The following MEF2C variants were observed in gnomAD, a reference collection of about 807,000 sequenced individuals.
MEF2C encodes myocyte-specific enhancer factor 2C.
In MEF2C, 6 loss-of-function variants were observed where a neutral mutation model predicts 50.5. That is an observed-to-expected ratio of 0.12 (90% CI 0.07 to 0.23). MEF2C has a LOEUF of 0.23. Ranked by LOEUF, MEF2C falls within the 10% of genes least tolerant of loss-of-function variation. MEF2C has a pLI of 1.00. For missense variants in MEF2C, 276 were observed against 605.0 expected, an observed-to-expected ratio of 0.46 and a Z score of 5.70; for synonymous variants, 183 against 228.0, an observed-to-expected ratio of 0.80 and a Z score of 1.78.
At chr5:88,812,853 T>C (rs924696663) in intron 2 of MEF2C, among the ~76,000 whole-genome samples, 2 of 152,088 alleles carry the variant, frequency 1.3e-5, no homozygotes, top group African/African-American at 2.4e-5. Context: ...TAGATAACTA[T>C]GGATTTTAGG....
chr5:88,722,809 G>A lies in MEF2C; in HGVS notation c.1217C>T (p.Ser406Leu). 6.2e-7 allele frequency: 1 copy of A among 1,613,992 alleles called. No homozygotes were observed. Among genetic ancestry groups the A allele is most frequent in the Non-Finnish European group, 8.5e-7 (1 of 1,179,896 alleles). Residue 406 changes from serine (S) to leucine (L), a missense_variant, in exon 11 of 11, where the codon TCG (serine) becomes TTG (leucine). By Grantham distance (145) the Ser-to-Leu change is moderately radical. This residue lies in a region of MEF2C where 256 missense variants were observed against 468.1 expected (regional missense o/e 0.55). Coordinates refer to ENST00000504921, the MANE Select transcript of MEF2C (RefSeq NM_002397.5). ...SPPRDRTTTP[S>L]RYPQHTRHEA... Reference sequence around the variant, plus strand: ...GTGGCGCGTGTGTTGTGGGTATCTCGAAGGGGTGGTGGTACGGTCTCTAGG... The same window carrying A: ...GTGGCGCGTGTGTTGTGGGTATCTCAAAGGGGTGGTGGTACGGTCTCTAGG...
At position 88,722,707 on chromosome 5, in the gene MEF2C, C is replaced by T. The variant is rs1360994640; in HGVS notation, c.1319G>A (p.Arg440Gln). The T allele has an allele frequency of 6.2e-7, 1 of 1,613,890 alleles. No individual in the cohort carries two copies. Among genetic ancestry groups the T allele is most frequent in the Non-Finnish European group, 8.5e-7 (1 of 1,179,890 alleles). The change falls in exon 11 of 11, where the codon CGG becomes CAG. Residue 440 changes from arginine (R) to glutamine (Q), a missense_variant. This residue lies in a region of MEF2C where 256 missense variants were observed against 468.1 expected (regional missense o/e 0.55). Coordinates refer to ENST00000504921, the MANE Select transcript of MEF2C (RefSeq NM_002397.5). ...TCCAATGGGGGAGTGGAATTCGTTC[C>T]GGTGATCCTCTCGGTCGCTCCCGTC... ...SYDGSDREDH[R>Q]NEFHSPIGLT... is the part of the protein sequence containing the mutation.
intron 6 of MEF2C, chr5:88,739,038 C>T (rs944831665): frequency 2.0e-6 from 2 of 982,294 alleles, no homozygotes; most frequent in African/African-American, 1.8e-5. Context: ...CTGTAATATA[C>T]TTAAATGGTA....
intron 2 of MEF2C, among the ~76,000 whole-genome samples, chr5:88,820,114 C>G (rs1418116044): frequency 6.6e-6 from 1 of 151,530 alleles, no homozygotes; most frequent in East Asian, 1.9e-4. Context: ...TAATTGGTAA[C>G]TACTTTTATT....
intron 1 of MEF2C, among the ~76,000 whole-genome samples, chr5:88,835,394 T>G (rs1222793072): frequency 1.3e-5 from 2 of 152,294 alleles, no homozygotes; most frequent in Non-Finnish European, 2.9e-5. Context: ...GAAATATTCA[T>G]GTATCTTTGG....
Position 88,750,840 on chromosome 5 carries a change from GAT to G in MEF2C, c.589+1015_589+1016del, listed in dbSNP as rs1772396511. 2.0e-5 allele frequency among the ~76,000 whole-genome samples: 3 copies of G among 152,114 alleles called. No individual in the cohort carries two copies. The South Asian group carries it at 6.2e-4, about 32-fold the overall frequency. ...CATGTTTGGTTTTAATTGTAAGGCAGATATATAAGTATTCTACAGGAAAATTC... is the reference window on the plus strand; with the variant it reads ...CATGTTTGGTTTTAATTGTAAGGCAGATATAAGTATTCTACAGGAAAATTC... On this transcript the variant is annotated intron_variant, in intron 5 of 10. Transcript: ENST00000504921.
intron 1 of MEF2C, among the ~76,000 whole-genome samples, chr5:88,836,144 T>C (rs181435707): frequency 0.012 from 1,876 of 152,300 alleles, 17 homozygotes; most frequent in Non-Finnish European, 0.02. Flanking sequence ...TGAACACTTA[T>C]CGATTTTCAT....
chr5:88,752,948 A>T (rs910895143), intron 4 of MEF2C, among the ~76,000 whole-genome samples: 1 of 152,234 alleles, frequency 6.6e-6, no homozygotes, highest in African/African-American at 2.4e-5. Flanking sequence ...TATGGTATCA[A>T]AACATATGGC....
At chr5:88,761,474 G>C (rs183940976) in intron 3 of MEF2C, 146 bp from the exon 4 acceptor site, 2 of 986,458 alleles carry the variant, frequency 2.0e-6, no homozygotes, top group Admixed American at 2.9e-5. Context: ...GATGAAAGCT[G>C]AGTCATTTCA....
chr5:88,843,736 T>G (rs1034571662), intron 1 of MEF2C, among the ~76,000 whole-genome samples: 5 of 151,982 alleles, frequency 3.3e-5, no homozygotes, highest in Non-Finnish European at 7.4e-5. Context: ...AAGAAAAAAA[T>G]CTGAAGAAAT....
chr5:88,877,840 A>G (rs967301060), intron 1 of MEF2C: 1 of 152,074 alleles, frequency 6.6e-6, no homozygotes, highest in Non-Finnish European at 1.5e-5. Flanking sequence ...TAGGTTGTCA[A>G]TAAGAGCTAC....
intron 4 of MEF2C, among the ~76,000 whole-genome samples, chr5:88,756,730 T>A (rs1458172037): frequency 1.3e-5 from 2 of 152,222 alleles, no homozygotes; most frequent in Non-Finnish European, 2.9e-5. Context: ...ATTGGCATTA[T>A]TCTTTTTCTC....
chr5:88,783,313 A>G (rs374442678), intron 3 of MEF2C, among the ~76,000 whole-genome samples: 42 of 152,112 alleles, frequency 2.8e-4, no homozygotes, highest in Admixed American at 6.6e-4. Context: ...ATTAACCTCT[A>G]TTTACAGACG....
At chr5:88,854,037 A>T (rs996722551) in intron 1 of MEF2C, among the ~76,000 whole-genome samples, 2 of 152,232 alleles carry the variant, frequency 1.3e-5, no homozygotes, top group African/African-American at 4.8e-5. Context: ...ATTATAATTT[A>T]GGAAAGAGGT....
At chr5:88,753,874 C>T (rs1773999687) in intron 4 of MEF2C, among the ~76,000 whole-genome samples, 1 of 152,114 alleles carries the variant, frequency 6.6e-6, no homozygotes, top group Non-Finnish European at 1.5e-5. Context: ...ATGTCCAGCC[C>T]CCTTTTAACA....
intron 9 of MEF2C, among the ~76,000 whole-genome samples, chr5:88,728,929 T>A (rs1023276829): frequency 2.6e-5 from 4 of 152,204 alleles, no homozygotes; most frequent in Admixed American, 2.6e-4. Context: ...GTAGAAATGT[T>A]AAACAATCCT....
At chr5:88,869,742 C>CAATA (rs1319739814) in intron 1 of MEF2C, among the ~76,000 whole-genome samples, 1 of 149,260 alleles carries the variant, frequency 6.7e-6, no homozygotes, top group Non-Finnish European at 1.5e-5. Flanking sequence ...TAAGAACAGT[C>CAATA]AATAGAAATA....
chr5:88,776,449 T>G (rs1390109348), intron 3 of MEF2C, among the ~76,000 whole-genome samples: 2 of 152,212 alleles, frequency 1.3e-5, no homozygotes, highest in African/African-American at 4.8e-5. Flanking sequence ...CTATTCCCTC[T>G]GTCTATCTGT....
At chr5:88,726,935 C>T (rs1759076499) in intron 10 of MEF2C, among the ~76,000 whole-genome samples, 1 of 151,828 alleles carries the variant, frequency 6.6e-6, no homozygotes, top group South Asian at 2.1e-4. Flanking sequence ...TGGCTTTTGA[C>T]ATTGATAACT....
Sources: gnomAD v4.1 joint callset for allele counts (sites outside exome capture counted in the v4.1 genomes callset) on GRCh38, gnomAD v4.1.1 for gene constraint, gnomAD v4.1.1 regional missense constraint, MANE v1.5 for transcripts, NCBI Gene and HGNC (gene_info 2026-07-23, HGNC 2026-07-21) for gene names.